The following SOX6 variants were observed in gnomAD, a reference collection of about 807,000 sequenced individuals.
The protein encoded by SOX6 is transcription factor SOX-6.
SOX6 carries 11 observed loss-of-function variants against 97.8 expected under a neutral mutation model. The observed-to-expected ratio is 0.11, with a 90% CI of 0.07 to 0.19. The LOEUF is 0.19. Ranked by LOEUF, SOX6 falls within the 10% of genes least tolerant of loss-of-function variation. The pLI is 1.00. For synonymous variants in SOX6, 360 were observed against 371.4 expected, an observed-to-expected ratio of 0.97 and a Z score of 0.35; for missense variants, 810 against 1,039.5, an observed-to-expected ratio of 0.78 and a Z score of 3.04.
intron 3 of SOX6, among the ~76,000 whole-genome samples, chr11:16,687,630 G>A (rs1196621231): frequency 1.3e-5 from 2 of 152,068 alleles, no homozygotes; most frequent in Non-Finnish European, 2.9e-5. Context: ...ATCTTACCTT[G>A]ACTTTTGAAG....
chr11:16,177,411 T>C (rs1851222875), intron 6 of SOX6, among the ~76,000 whole-genome samples: 4 of 151,968 alleles, frequency 2.6e-5, no homozygotes, highest in Admixed American at 2.6e-4. Flanking sequence ...TCCAAGTACC[T>C]AATTACTATT....
At chr11:16,632,182 C>T (rs986634180) in intron 3 of SOX6, among the ~76,000 whole-genome samples, 1 of 152,134 alleles carries the variant, frequency 6.6e-6, no homozygotes, top group African/African-American at 2.4e-5. Context: ...TCCTTTGGTT[C>T]CTTCTCATCT....
intron 3 of SOX6, among the ~76,000 whole-genome samples, chr11:16,273,310 T>G (rs550201643): frequency 1.7e-4 from 26 of 152,176 alleles, no homozygotes; most frequent in African/African-American, 6.0e-4. Context: ...TTTTGTTATC[T>G]TCTTCATTTT....
intron 3 of SOX6, among the ~76,000 whole-genome samples, chr11:16,285,466 G>A (rs1219263614): frequency 1.3e-5 from 2 of 152,064 alleles, no homozygotes; most frequent in Non-Finnish European, 1.5e-5. Context: ...CCCAGGAGGC[G>A]GAGGTGGCAG....
At chr11:16,656,888 TCA>T (rs924459110) in intron 3 of SOX6, among the ~76,000 whole-genome samples, 37 of 152,214 alleles carry the variant, frequency 2.4e-4, no homozygotes, top group African/African-American at 8.0e-4. Context: ...CTATCCCGGC[TCA>T]CAGTTTCCCC....
At chr11:16,429,428 A>T (rs1332584699) in intron 1 of SOX6, among the ~76,000 whole-genome samples, 1 of 152,184 alleles carries the variant, frequency 6.6e-6, no homozygotes, top group Non-Finnish European at 1.5e-5. Flanking sequence ...TTCACCCTAA[A>T]TGCCATCAAT....
At chr11:16,444,108 G>A in intron 1 of SOX6, among the ~76,000 whole-genome samples, 1 of 149,570 alleles carries the variant, frequency 6.7e-6, no homozygotes, top group Admixed American at 6.7e-5. Context: ...TTTGGAATAA[G>A]AAAACAAGAA....
chr11:16,426,721 C>T (rs1859145948), intron 1 of SOX6, among the ~76,000 whole-genome samples: 2 of 151,428 alleles, frequency 1.3e-5, no homozygotes, highest in Admixed American at 6.6e-5. Flanking sequence ...GAGACCATCC[C>T]GGCTAAAACG....
intron 3 of SOX6, among the ~76,000 whole-genome samples, chr11:16,639,647 A>T (rs1248697696): frequency 6.6e-6 from 1 of 152,044 alleles, no homozygotes; most frequent in African/African-American, 2.4e-5. Flanking sequence ...TTTAAGTTGG[A>T]TTCCTAGGTA....
intron 6 of SOX6, among the ~76,000 whole-genome samples, chr11:16,135,312 C>G (rs777463492): frequency 7.4e-4 from 112 of 152,276 alleles, no homozygotes; most frequent in Middle Eastern, 3.4e-3. Context: ...ATAATTTCAA[C>G]TTTCATAACA....
At chr11:16,117,165 T>C (rs1004461329) in intron 6 of SOX6, among the ~76,000 whole-genome samples, 2 of 151,994 alleles carry the variant, frequency 1.3e-5, no homozygotes, top group African/African-American at 4.8e-5. Context: ...CTGGTCAACA[T>C]GGTGAGACCC....
intron 3 of SOX6, among the ~76,000 whole-genome samples, chr11:16,285,711 C>T (rs1326470934): frequency 6.6e-6 from 1 of 152,066 alleles, no homozygotes. Flanking sequence ...TTCTATTATG[C>T]TGTATCCTAT....
intron 1 of SOX6, among the ~76,000 whole-genome samples, chr11:16,455,204 TTC>T (rs1159469229): frequency 1.3e-5 from 2 of 152,074 alleles, no homozygotes; most frequent in African/African-American, 4.8e-5. Flanking sequence ...TCAATTTGAT[TTC>T]TTTACTTCCT....
chr11:16,660,938 G>A (rs546494110), intron 3 of SOX6, among the ~76,000 whole-genome samples: 1 of 152,302 alleles, frequency 6.6e-6, no homozygotes, highest in South Asian at 2.1e-4. Flanking sequence ...CAGCTCAAAA[G>A]ACTAAGACAA....
intron 7 of SOX6, among the ~76,000 whole-genome samples, chr11:16,101,809 C>A (rs1338342558): frequency 6.6e-6 from 1 of 151,760 alleles, no homozygotes; most frequent in Admixed American, 6.6e-5. Context: ...GCAGAAAAAG[C>A]ATTTAACAAA....
intron 7 of SOX6, among the ~76,000 whole-genome samples, chr11:16,107,391 A>ATATT (rs1390923320): frequency 2.1e-5 from 3 of 143,368 alleles, no homozygotes; most frequent in Non-Finnish European, 4.5e-5. Flanking sequence ...GTATACATAT[A>ATATT]TATGTATATA....
chr11:16,310,108 A>AT (rs1296496714), intron 3 of SOX6, among the ~76,000 whole-genome samples: 1 of 152,098 alleles, frequency 6.6e-6, no homozygotes, highest in East Asian at 1.9e-4. Flanking sequence ...TGAGCAAGAA[A>AT]TCTGAGGCAT....
chr11:16,293,591 A>G lies in SOX6; in HGVS notation c.445+24855T>C, dbSNP rs73423269. On this transcript the variant is annotated intron_variant, in intron 3 of 15. Coordinates refer to ENST00000683767, the MANE Select transcript of SOX6 (RefSeq NM_001367873.1). ...ACCTTCCCATCTAAAAACAGCTAGC[A>G]CTCTCACTACATTCTTTTGGCAACA... is the stretch of plus-strand genomic sequence containing the variant. Among the ~76,000 whole-genome samples the G allele has an allele frequency of 2.7e-3, 405 of 152,036 alleles. 1 individual carries two copies. Among genetic ancestry groups the G allele is most frequent in the African/African-American group, 9.4e-3 (388 of 41,492 alleles).
intron 4 of SOX6, among the ~76,000 whole-genome samples, chr11:16,568,863 A>G (rs1392454623): frequency 1.3e-5 from 2 of 152,070 alleles, no homozygotes; most frequent in Non-Finnish European, 2.9e-5. Flanking sequence ...TTTCACTTCT[A>G]CCTTTCTTCC....
Sources: allele counts gnomAD v4.1 joint callset (sites outside exome capture counted in the v4.1 genomes callset), GRCh38; gene constraint gnomAD v4.1.1; transcripts MANE v1.5; gene names NCBI Gene and HGNC (gene_info 2026-07-23, HGNC 2026-07-21).